Variants in ROR2 observed in about 807,000 individuals in gnomAD.
ROR2 encodes the protein ROR family WNT receptor 2.
Under a neutral mutation model 74.9 loss-of-function variants are expected in ROR2, and 33 were observed. The observed-to-expected ratio is 0.44, with a 90% CI of 0.33 to 0.59. The LOEUF is 0.59. Among genes scored for constraint, ROR2 ranks in the 20% least tolerant of loss-of-function variants. The pLI, the probability that ROR2 is intolerant of heterozygous loss-of-function variation, is 0.02. For synonymous variants in ROR2, 586 were observed against 558.7 expected (o/e 1.05, Z -0.69); for missense variants, 1,216 against 1,313.8 (o/e 0.93, Z 1.15).
chr9:91,884,701 T>C (rs10761134), intron 1 of ROR2, among the ~76,000 whole-genome samples: 66,388 of 151,860 alleles, frequency 0.44, 17,277 homozygotes, highest in African/African-American at 0.72. Context: ...CTGCGGGCTG[T>C]CATACACATT....
At chr9:91,932,457 G>A (rs1318976784) in intron 1 of ROR2, among the ~76,000 whole-genome samples, 1 of 151,952 alleles carries the variant, frequency 6.6e-6, no homozygotes, top group East Asian at 1.9e-4. Context: ...TTAGATTCAT[G>A]ACCAGGCTGG....
intron 4 of ROR2, among the ~76,000 whole-genome samples, chr9:91,745,560 G>C (rs903757975): frequency 6.6e-6 from 1 of 151,290 alleles, no homozygotes; most frequent in African/African-American, 2.4e-5. Context: ...CAAGCAGCTG[G>C]GATTACAGGT....
intron 1 of ROR2, among the ~76,000 whole-genome samples, chr9:91,781,268 C>G (rs185964599): frequency 1.3e-5 from 2 of 152,296 alleles, no homozygotes; most frequent in Admixed American, 6.5e-5. Flanking sequence ...AAACCAGACA[C>G]CCCCTGAATG....
In ROR2 at chr9:91,855,600, G is replaced by GTTTT. The variant is rs1829255060; in HGVS notation, c.98-79783_98-79782insAAAA. ...ATCTTAGAGAAGGAAGGGACACCCAGGGGCAATCAGCCTGCCTTTGCTGGA... is the reference window on the plus strand; with the variant it reads ...ATCTTAGAGAAGGAAGGGACACCCAGTTTTGGGCAATCAGCCTGCCTTTGCTGGA... On this transcript the variant is annotated intron_variant, in intron 1 of 8. Coordinates refer to ENST00000375708, the MANE Select transcript of ROR2 (RefSeq NM_004560.4). Among the ~76,000 whole-genome samples, 4 of 149,480 alleles carry GTTTT rather than the reference G, an allele frequency of 2.7e-5. No homozygotes were observed. The South Asian group carries it at 8.3e-4, about 31-fold the overall frequency.
intron 1 of ROR2, among the ~76,000 whole-genome samples, chr9:91,940,386 G>A (rs1426379449): frequency 6.6e-6 from 1 of 152,198 alleles, no homozygotes; most frequent in African/African-American, 2.4e-5. Flanking sequence ...GCGGTTCACT[G>A]CAGTCGTCTA....
intron 1 of ROR2, among the ~76,000 whole-genome samples, chr9:91,890,516 T>C (rs1453857263): frequency 6.6e-6 from 1 of 152,226 alleles, no homozygotes; most frequent in Non-Finnish European, 1.5e-5. Context: ...ATTAAACTTA[T>C]TCCTAAGTGT....
At chr9:91,863,138 A>G (rs1462346116) in intron 1 of ROR2, among the ~76,000 whole-genome samples, 60 of 152,346 alleles carry the variant, frequency 3.9e-4, no homozygotes, top group Non-Finnish European at 5.9e-5. Flanking sequence ...AAAATGGTAC[A>G]GCGCTGGGGC....
At chr9:91,839,195 T>C (rs1393618411) in intron 1 of ROR2, among the ~76,000 whole-genome samples, 1 of 151,776 alleles carries the variant, frequency 6.6e-6, no homozygotes, top group Non-Finnish European at 1.5e-5. Context: ...TATTTCGTGT[T>C]TACCAAAACA....
chr9:91,731,718 C>T (rs897491602), intron 6 of ROR2, among the ~76,000 whole-genome samples: 2 of 152,154 alleles, frequency 1.3e-5, no homozygotes, highest in African/African-American at 4.8e-5. Flanking sequence ...AGTTCAAGAC[C>T]AGCCTGGCCA....
intron 1 of ROR2, among the ~76,000 whole-genome samples, chr9:91,823,963 C>T (rs1828211001): frequency 6.6e-6 from 1 of 152,242 alleles, no homozygotes; most frequent in African/African-American, 2.4e-5. Flanking sequence ...TTCTTCCATG[C>T]CTGTGCTCAG....
intron 1 of ROR2, among the ~76,000 whole-genome samples, chr9:91,927,855 C>T (rs1439540503): frequency 2.6e-5 from 4 of 152,112 alleles, no homozygotes; most frequent in Non-Finnish European, 2.9e-5. Flanking sequence ...TGAGCCACCG[C>T]GCCCAGCCTC....
In ROR2 at chr9:91,737,632, T is replaced by C. The variant is rs539203967; in HGVS notation, c.495-114A>G. Reference sequence around the variant, plus strand: ...CAGCAATTTTGTTACTTGGTATTTATATAAGTAAATTTAAATAAGTAGAAC... The same window carrying C: ...CAGCAATTTTGTTACTTGGTATTTACATAAGTAAATTTAAATAAGTAGAAC... On this transcript the variant is annotated intron_variant, in intron 4 of 8. Coordinates refer to ENST00000375708, the MANE Select transcript of ROR2 (RefSeq NM_004560.4). The C allele has an allele frequency of 1.0e-4, 144 of 1,385,024 alleles. No homozygotes were observed. In the African/African-American group the frequency reaches 1.9e-3, roughly 18 times the overall value. The allele number at this position is 1,385,024 out of a possible 1,614,324, so 85.8% of individuals were successfully genotyped here. A position where few individuals can be genotyped will look rare whatever the true frequency, so the allele number is the denominator to read the frequency against.
chr9:91,768,965 C>T (rs77371210), intron 2 of ROR2, among the ~76,000 whole-genome samples: 4,078 of 152,254 alleles, frequency 0.027, 174 homozygotes, highest in African/African-American at 0.093. Flanking sequence ...CAGAGTGGTG[C>T]AACGCTCACA....
At chr9:91,755,933 G>T in intron 4 of ROR2, 138 bp downstream of exon 4, 1 of 841,148 alleles carries the variant, frequency 1.2e-6, no homozygotes, top group Non-Finnish European at 2.1e-6. Flanking sequence ...GCAAGCACGT[G>T]GCCACCCCTG....
At position 91,927,562 on chromosome 9, in the gene ROR2, C is replaced by CTTTTTTTTTTTTTTT. The variant is rs775823582; in HGVS notation, c.97+22290_97+22304dup. Among the ~76,000 whole-genome samples, 388 of 94,936 alleles carry CTTTTTTTTTTTTTTT rather than the reference C, an allele frequency of 4.1e-3. 26 individuals carry two copies. Among genetic ancestry groups the CTTTTTTTTTTTTTTT allele is most frequent in the Admixed American group, 9.1e-3 (65 of 7,110 alleles). 62.3% of individuals were successfully genotyped at this position (94,936 alleles called of 152,430 possible). A position where few individuals can be genotyped will look rare whatever the true frequency, so the allele number is the denominator to read the frequency against. On this transcript the variant is annotated intron_variant, in intron 1 of 8. Transcript: ENST00000375708. ...TGGCTGGCTCTGTGTTTTCTAGATT[C>CTTTTTTTTTTTTTTT]TTTTTTTTTTTTTTTTTTTTTGAGA... is the stretch of plus-strand genomic sequence containing the variant.
rs1829420535 is a variant in ROR2 at position 91,859,965 on chromosome 9, CT to C, written c.98-84148del. Among the ~76,000 whole-genome samples, 4 of 152,346 alleles carry C rather than the reference CT, an allele frequency of 2.6e-5. No individual in the cohort carries two copies. The South Asian group carries it at 8.3e-4, about 32-fold the overall frequency. On this transcript the variant is annotated intron_variant, in intron 1 of 8. Coordinates refer to ENST00000375708, the MANE Select transcript of ROR2 (RefSeq NM_004560.4). ...CCCACACTGGAGATGCCAGGGTGTG[CT>C]CAGTCCTGCGGGCCTGGACGCTGCT...
intron 2 of ROR2, among the ~76,000 whole-genome samples, chr9:91,774,294 G>A (rs1269626767): frequency 6.6e-6 from 1 of 152,148 alleles, no homozygotes; most frequent in Admixed American, 6.5e-5. Context: ...AGCTCCACCT[G>A]CTCTTGGTTT....
At chr9:91,899,810 G>A (rs62565679) in intron 1 of ROR2, among the ~76,000 whole-genome samples, 52,680 of 151,772 alleles carry the variant, frequency 0.35, 9,656 homozygotes, top group Admixed American at 0.49. Context: ...GCACTCACAC[G>A]TACGCACACG....
intron 6 of ROR2, among the ~76,000 whole-genome samples, chr9:91,732,088 C>T (rs544603225): frequency 2.6e-4 from 39 of 152,254 alleles, no homozygotes; most frequent in Middle Eastern, 3.4e-3. Flanking sequence ...GGCCCAAGGA[C>T]CAGGCCCTGG....
Sources: allele counts gnomAD v4.1 joint callset (sites outside exome capture counted in the v4.1 genomes callset), GRCh38; gene constraint gnomAD v4.1.1; transcripts MANE v1.5; gene names NCBI Gene and HGNC (gene_info 2026-07-23, HGNC 2026-07-21).